Variants in BCL11A observed in about 807,000 individuals in gnomAD.
The protein encoded by BCL11A is BCL11 transcription factor A, also known as B cell CLL/lymphoma 11A.
In BCL11A, 2 loss-of-function variants were observed where a neutral mutation model predicts 55.9. The observed-to-expected ratio is 0.04, with a 90% CI of 0.01 to 0.11. BCL11A has a LOEUF of 0.11. Among genes scored for constraint, BCL11A ranks in the 10% least tolerant of loss-of-function variants. The pLI is 1.00. For missense variants in BCL11A, 817 were observed against 1,137.1 expected (o/e 0.72, Z 4.05); for synonymous variants, 465 against 473.4 (o/e 0.98, Z 0.23).
intron 2 of BCL11A, among the ~76,000 whole-genome samples, chr2:60,492,594 A>G (rs1192653276): frequency 6.7e-6 from 1 of 150,260 alleles, no homozygotes; most frequent in Non-Finnish European, 1.5e-5. Context: ...TATGGTGGAT[A>G]ACCCCATCTC....
At chr2:60,524,078 TC>T (rs1669103234) in intron 2 of BCL11A, among the ~76,000 whole-genome samples, 1 of 152,212 alleles carries the variant, frequency 6.6e-6, no homozygotes, top group Admixed American at 6.5e-5. Flanking sequence ...CTGGAGGGTA[TC>T]TTCATTTATC....
intron 2 of BCL11A, among the ~76,000 whole-genome samples, chr2:60,480,223 AT>A (rs1180893081): frequency 6.6e-6 from 1 of 152,172 alleles, no homozygotes; most frequent in African/African-American, 2.4e-5. Context: ...CCTGTAAAGG[AT>A]ATGTCTCTCT....
At chr2:60,490,048 G>A (rs1222832749) in intron 2 of BCL11A, among the ~76,000 whole-genome samples, 1 of 152,072 alleles carries the variant, frequency 6.6e-6, no homozygotes. Context: ...TCTGCAATGG[G>A]GGCAAAGGCA....
intron 2 of BCL11A, among the ~76,000 whole-genome samples, chr2:60,478,853 G>A (rs1323802022): frequency 6.6e-6 from 1 of 152,230 alleles, no homozygotes; most frequent in Non-Finnish European, 1.5e-5. Context: ...TCTCTGCAGT[G>A]CCTCAGCACC....
chr2:60,484,302 A>T (rs1282084264), intron 2 of BCL11A: 1 of 152,284 alleles, frequency 6.6e-6, no homozygotes, highest in Non-Finnish European at 1.5e-5. Context: ...TTCAGCTGAA[A>T]ATAGCTCGAA....
chr2:60,452,797 A>G (rs987569721), downstream of BCL11A: 28 of 670,038 alleles, frequency 4.2e-5, no homozygotes, highest in South Asian at 5.2e-4. Flanking sequence ...AGCCACTGGC[A>G]TCTTAAGCAT....
intron 2 of BCL11A, among the ~76,000 whole-genome samples, chr2:60,478,968 G>GT (rs67125871): frequency 0.29 from 41,801 of 145,982 alleles, 6,203 homozygotes; most frequent in Middle Eastern, 0.36. Context: ...TTTGTTTTTT[G>GT]TTTTTTTTTT....
intron 2 of BCL11A, among the ~76,000 whole-genome samples, chr2:60,529,797 T>A (rs1192372348): frequency 6.6e-6 from 1 of 152,184 alleles, no homozygotes; most frequent in African/African-American, 2.4e-5. Context: ...AAGTCTATGA[T>A]GGGAAAAATA....
chr2:60,511,953 T>A (rs1680013798), intron 2 of BCL11A, among the ~76,000 whole-genome samples: 1 of 152,194 alleles, frequency 6.6e-6, no homozygotes, highest in Admixed American at 6.5e-5. Flanking sequence ...CCCAGCAATG[T>A]AGGTGTTCAA....
At chr2:60,542,065 G>GTATC in intron 2 of BCL11A, 4 of 564,426 alleles carry the variant, frequency 7.1e-6, no homozygotes, top group Non-Finnish European at 1.3e-5. Flanking sequence ...CTTCTTTAGA[G>GTATC]TATCTGTCTG....
At chr2:60,483,143 T>C (rs2104207699) in intron 2 of BCL11A, among the ~76,000 whole-genome samples, 1 of 152,316 alleles carries the variant, frequency 6.6e-6, no homozygotes, top group East Asian at 1.9e-4. Context: ...TGTGGGTAGT[T>C]GGAGGAGAAT....
intron 2 of BCL11A, among the ~76,000 whole-genome samples, chr2:60,484,657 T>C (rs1678163471): frequency 6.6e-6 from 1 of 151,340 alleles, no homozygotes; most frequent in African/African-American, 2.4e-5. Flanking sequence ...GGCTCACGTG[T>C]TTTTTCTTAA....
chr2:60,478,126 G>A (rs1192102621), intron 2 of BCL11A: 1 of 152,172 alleles, frequency 6.6e-6, no homozygotes, highest in African/African-American at 2.4e-5. Context: ...CACCACACCT[G>A]GCTAATTTTT....
intron 3 of BCL11A, among the ~76,000 whole-genome samples, chr2:60,466,461 G>A (rs1266065695): frequency 1.3e-5 from 2 of 151,984 alleles, no homozygotes; most frequent in Admixed American, 6.5e-5. Context: ...TGCAATCTGT[G>A]ACCTAACCCA....
At position 60,553,611 on chromosome 2, in the gene BCL11A, C is replaced by T; in HGVS notation, c.-341G>A. On this transcript the variant is annotated 5_prime_UTR_variant, in exon 1 of 4. Coordinates refer to ENST00000642384, the MANE Select transcript of BCL11A (RefSeq NM_022893.4). ...GCTGCAAGTTCAAGTGCGGACGTGACGTCCCTGCGAACTTGAACGTCAGGA... is the reference window on the plus strand; with the variant it reads ...GCTGCAAGTTCAAGTGCGGACGTGATGTCCCTGCGAACTTGAACGTCAGGA... The T allele has an allele frequency of 2.9e-6, 1 of 349,906 alleles. No homozygotes were observed. The highest frequency in any genetic ancestry group is 5.0e-6 in the Non-Finnish European group (1 of 199,084). The allele number at this position is 349,906 out of a possible 1,614,324, so 21.7% of individuals were successfully genotyped here.
At position 60,459,928 on chromosome 2, in the gene BCL11A, GTCTTTTTCTCTCTCTCTC is replaced by G; in HGVS notation, c.*458_*475del. 4 of 1,061,318 alleles carry G rather than the reference GTCTTTTTCTCTCTCTCTC, an allele frequency of 3.8e-6. No homozygotes were observed. The highest frequency in any genetic ancestry group is 4.5e-5 in the South Asian group (1 of 22,060). 65.7% of individuals were successfully genotyped at this position (1,061,318 alleles called of 1,614,324 possible). The stretch of plus-strand genomic sequence containing the variant: ...TGTATTACAGAATGTATGCAGCATG[GTCTTTTTCTCTCTCTCTC>G]TCTTTTTCTCTCAGAACGGAACTGG... On this transcript the variant is annotated 3_prime_UTR_variant, in exon 4 of 4. Transcript: ENST00000642384.
chr2:60,452,641 A>G, downstream of BCL11A: 1 of 1,613,924 alleles, frequency 6.2e-7, no homozygotes, highest in Non-Finnish European at 8.5e-7. Context: ...TCTGGGTACT[A>G]CGCCGAATGG....
chr2:60,484,654 G>C (rs551970878), intron 2 of BCL11A, among the ~76,000 whole-genome samples: 1 of 151,836 alleles, frequency 6.6e-6, no homozygotes. Context: ...CATGGCTCAC[G>C]TGTTTTTTCT....
chr2:60,514,748 G>A (rs1252077785), intron 2 of BCL11A, among the ~76,000 whole-genome samples: 1 of 151,544 alleles, frequency 6.6e-6, no homozygotes, highest in Non-Finnish European at 1.5e-5. Context: ...TAGTTGGTCT[G>A]ACTGTCTTTA....
Sources: allele counts gnomAD v4.1 joint callset (sites outside exome capture counted in the v4.1 genomes callset), GRCh38; gene constraint gnomAD v4.1.1; transcripts MANE v1.5; gene names NCBI Gene and HGNC (gene_info 2026-07-23, HGNC 2026-07-21).